BTBD9: variants seen among roughly 807,000 people sequenced by gnomAD.
BTBD9 encodes the protein BTB/POZ domain-containing protein 9.
In BTBD9, 49 loss-of-function variants were observed where a neutral mutation model predicts 64.3. The ratio of observed to expected loss-of-function variants is 0.76; its 90% CI spans 0.61 to 0.97. The LOEUF (loss-of-function observed/expected upper bound fraction) is 0.97, where lower values mean the gene tolerates loss of function less well. BTBD9 is among the 50% of genes least tolerant of loss of function. The pLI is 0.00. For synonymous variants in BTBD9, 260 were observed against 274.7 expected, an observed-to-expected ratio of 0.95 and a Z score of 0.53; for missense variants, 598 against 762.1, an observed-to-expected ratio of 0.78 and a Z score of 2.53.
intron 7 of BTBD9, among the ~76,000 whole-genome samples, chr6:38,316,637 T>G (rs1365975615): frequency 6.6e-6 from 1 of 152,196 alleles, no homozygotes; most frequent in African/African-American, 2.4e-5. Context: ...TTATATATTA[T>G]TGTACTATAT....
chr6:38,277,478 C>T (rs558770105), intron 8 of BTBD9, among the ~76,000 whole-genome samples: 1 of 151,914 alleles, frequency 6.6e-6, no homozygotes, highest in Non-Finnish European at 1.5e-5. Flanking sequence ...GGATTACAGG[C>T]GCCCACCACC....
intron 6 of BTBD9, among the ~76,000 whole-genome samples, chr6:38,439,033 G>A (rs896674293): frequency 6.6e-6 from 1 of 150,954 alleles, no homozygotes; most frequent in Non-Finnish European, 1.5e-5. Flanking sequence ...AAACAAGGAA[G>A]AGAGTATAGT....
intron 6 of BTBD9, among the ~76,000 whole-genome samples, chr6:38,528,208 C>A (rs900473219): frequency 1.3e-5 from 2 of 152,118 alleles, no homozygotes; most frequent in African/African-American, 4.8e-5. Flanking sequence ...TCAGTTGGCA[C>A]CTATCAGAGG....
chr6:38,562,100 G>A (rs1775289480), intron 6 of BTBD9, among the ~76,000 whole-genome samples: 1 of 152,080 alleles, frequency 6.6e-6, no homozygotes, highest in South Asian at 2.1e-4. Flanking sequence ...ATTATGATGT[G>A]GACTCCTTCA....
chr6:38,443,388 C>T (rs1271451575), intron 6 of BTBD9, among the ~76,000 whole-genome samples: 1 of 152,174 alleles, frequency 6.6e-6, no homozygotes, highest in Non-Finnish European at 1.5e-5. Flanking sequence ...CCTAACTGTT[C>T]ACTTGTTTCT....
intron 9 of BTBD9, among the ~76,000 whole-genome samples, chr6:38,244,240 C>A (rs1019555697): frequency 1.3e-5 from 2 of 152,042 alleles, no homozygotes. Context: ...GTCTGTACAC[C>A]CATTTCAGGG....
chr6:38,345,961 C>A (rs1259100419), intron 6 of BTBD9, among the ~76,000 whole-genome samples: 1 of 152,214 alleles, frequency 6.6e-6, no homozygotes, highest in Non-Finnish European at 1.5e-5. Flanking sequence ...TCACACAATT[C>A]CATGAGGGAT....
At chr6:38,478,086 G>C (rs749227249) in intron 6 of BTBD9, among the ~76,000 whole-genome samples, 1 of 152,142 alleles carries the variant, frequency 6.6e-6, no homozygotes, top group Non-Finnish European at 1.5e-5. Flanking sequence ...GAGTGCCTAA[G>C]AGGAAGCAGC....
At chr6:38,214,563 A>C (rs1165887897) in intron 9 of BTBD9, among the ~76,000 whole-genome samples, 9 of 152,194 alleles carry the variant, frequency 5.9e-5, no homozygotes, top group Non-Finnish European at 1.2e-4. Context: ...TCTGCAGGTC[A>C]CTTTAGTTGG....
chr6:38,623,973 T>C (rs971722495), intron 1 of BTBD9, among the ~76,000 whole-genome samples: 5 of 152,160 alleles, frequency 3.3e-5, no homozygotes, highest in Non-Finnish European at 5.9e-5. Flanking sequence ...CAGCAGGAAG[T>C]AGCTAGAGCA....
intron 6 of BTBD9, among the ~76,000 whole-genome samples, chr6:38,523,060 G>A (rs944115152): frequency 2.6e-5 from 4 of 152,146 alleles, no homozygotes; most frequent in African/African-American, 7.2e-5. Flanking sequence ...GCACGTGCCT[G>A]TAATCCCAGC....
At chr6:38,597,607 G>A (rs1371634050) in intron 2 of BTBD9, among the ~76,000 whole-genome samples, 2 of 152,182 alleles carry the variant, frequency 1.3e-5, no homozygotes, top group Non-Finnish European at 2.9e-5. Flanking sequence ...CATCTACTGG[G>A]AGGAGACAGT....
intron 6 of BTBD9, among the ~76,000 whole-genome samples, chr6:38,535,420 T>A (rs527246414): frequency 2.3e-4 from 35 of 152,200 alleles, no homozygotes; most frequent in Admixed American, 8.5e-4. Context: ...TGTTAAAATG[T>A]CCATATTACC....
At chr6:38,563,603 AC>A (rs1775343056) in intron 6 of BTBD9, among the ~76,000 whole-genome samples, 1 of 152,046 alleles carries the variant, frequency 6.6e-6, no homozygotes, top group East Asian at 1.9e-4. Flanking sequence ...CCCCACACAC[AC>A]ATGCAGACCT....
intron 6 of BTBD9, among the ~76,000 whole-genome samples, chr6:38,409,683 G>C (rs1767324246): frequency 6.6e-6 from 1 of 152,030 alleles, no homozygotes; most frequent in Admixed American, 6.5e-5. Context: ...AATTAGCCAA[G>C]TATGGTGGTC....
At chr6:38,623,559 A>C (rs1412636593) in intron 1 of BTBD9, among the ~76,000 whole-genome samples, 1 of 152,172 alleles carries the variant, frequency 6.6e-6, no homozygotes, top group Non-Finnish European at 1.5e-5. Context: ...AGAACTCTGC[A>C]CCTTCTTAGG....
rs149594578 is a variant in BTBD9, at chr6:38,552,089, A to G, written c.1154+25511T>C. Among the ~76,000 whole-genome samples the G allele has an allele frequency of 6.9e-3, 1,049 of 152,364 alleles. 6 individuals carry two copies. Among genetic ancestry groups the G allele is most frequent in the Non-Finnish European group, 0.011 (737 of 68,030 alleles). ...ATGAAAATCAAAGTATGATACTATGAGGTGGCTCAGCATCTAAATACCACA... is the reference window on the plus strand; with the variant it reads ...ATGAAAATCAAAGTATGATACTATGGGGTGGCTCAGCATCTAAATACCACA... On this transcript the variant is annotated intron_variant, in intron 6 of 10. Transcript: ENST00000481247.
At chr6:38,446,625 A>C (rs1769290081) in intron 6 of BTBD9, among the ~76,000 whole-genome samples, 1 of 152,160 alleles carries the variant, frequency 6.6e-6, no homozygotes, top group Non-Finnish European at 1.5e-5. Flanking sequence ...GCATTTATTG[A>C]GTGGTAACTC....
chr6:38,212,152 G>A (rs1762855664), intron 9 of BTBD9, among the ~76,000 whole-genome samples: 1 of 152,194 alleles, frequency 6.6e-6, no homozygotes, highest in Admixed American at 6.5e-5. Context: ...CTCCCTTGGT[G>A]GCCAGGAGAA....
Sources: gnomAD v4.1 joint callset for allele counts (sites outside exome capture counted in the v4.1 genomes callset) on GRCh38, gnomAD v4.1.1 for gene constraint, MANE v1.5 for transcripts, NCBI Gene and HGNC (gene_info 2026-07-23, HGNC 2026-07-21) for gene names.